The following CELF2 variants were observed in gnomAD, a reference collection of about 807,000 sequenced individuals.
The protein encoded by CELF2 is CUG triplet repeat RNA-binding protein 2.
Under a neutral mutation model 62.6 loss-of-function variants are expected in CELF2, and 8 were observed. That is an observed-to-expected ratio of 0.13 (90% CI 0.07 to 0.23). The LOEUF is 0.23. Ranked by LOEUF, CELF2 falls within the 10% of genes least tolerant of loss-of-function variation. The pLI is 1.00. For synonymous variants in CELF2, 258 were observed against 250.0 expected (o/e 1.03, Z -0.30); for missense variants, 333 against 671.0 (o/e 0.50, Z 5.56).
the CELF2 span, among the ~76,000 whole-genome samples, chr10:10,739,058 G>A: frequency 1.3e-5 from 2 of 151,946 alleles, no homozygotes; most frequent in Non-Finnish European, 2.9e-5. Flanking sequence ...GCACAGAATC[G>A]AGGCTACAGG....
At chr10:10,686,918 C>T in the CELF2 span, among the ~76,000 whole-genome samples, 1 of 152,190 alleles carries the variant, frequency 6.6e-6, no homozygotes, top group Non-Finnish European at 1.5e-5. Context: ...ATGTGGAACT[C>T]TGAGTCTGCC....
At chr10:11,256,160 G>A (rs1589957940) in intron 4 of CELF2, among the ~76,000 whole-genome samples, 2 of 152,258 alleles carry the variant, frequency 1.3e-5, no homozygotes, top group African/African-American at 4.8e-5. Flanking sequence ...GAGCAATCAT[G>A]TGTGGCTCTT....
chr10:10,859,916 A>C (rs1295193059), intron 1 of CELF2, among the ~76,000 whole-genome samples: 2 of 152,062 alleles, frequency 1.3e-5, no homozygotes, highest in Admixed American at 6.6e-5. Context: ...CTTCTTTTAC[A>C]TTTTTTAAAA....
At chr10:11,028,064 A>G (rs1464396352) in intron 1 of CELF2, among the ~76,000 whole-genome samples, 5 of 152,202 alleles carry the variant, frequency 3.3e-5, no homozygotes, top group Non-Finnish European at 7.3e-5. Context: ...AAAGACCCAT[A>G]AAGCATTGTT....
rs1283705324 is a variant in CELF2, at chr10:11,046,310, A to G, written c.74+28147A>G. Among the ~76,000 whole-genome samples, 5 of 152,186 alleles carry G rather than the reference A, an allele frequency of 3.3e-5. No individual in the cohort carries two copies. Among genetic ancestry groups the G allele is most frequent in the East Asian group, 1.9e-4 (1 of 5,196 alleles). On this transcript the variant is annotated intron_variant, in intron 1 of 12. Coordinates refer to ENST00000633077, the MANE Select transcript of CELF2 (RefSeq NM_001326342.2). This position sits in a 1 kb window ranked among gnomAD's most constrained non-coding sequence, Gnocchi z 4.6. ...CCAGGTGATTGTGATGCCCGTGTCA[A>G]TGTGCCGGTCAGAAAATCACAGATT...
At chr10:11,303,536 A>G (rs1441706993) in intron 9 of CELF2, among the ~76,000 whole-genome samples, 2 of 151,978 alleles carry the variant, frequency 1.3e-5, no homozygotes, top group Non-Finnish European at 2.9e-5. Context: ...TTTATTGATC[A>G]CCCGCTGTGC....
At chr10:11,189,176 G>A (rs532563331) in intron 2 of CELF2, among the ~76,000 whole-genome samples, 1 of 152,204 alleles carries the variant, frequency 6.6e-6, no homozygotes, top group East Asian at 1.9e-4. Context: ...ACTATTCCAA[G>A]CCTTTCATCT....
At chr10:11,317,997 A>C (rs2095163070) in intron 10 of CELF2, 1 of 152,240 alleles carries the variant, frequency 6.6e-6, no homozygotes, top group Admixed American at 6.5e-5. Flanking sequence ...CTATTCTTTT[A>C]AGTGGAAGCA....
chr10:10,708,609 T>A, the CELF2 span, among the ~76,000 whole-genome samples: 1 of 152,134 alleles, frequency 6.6e-6, no homozygotes, highest in Admixed American at 6.6e-5. Flanking sequence ...GAAGAGGAAA[T>A]CATAGGAAAA....
intron 1 of CELF2, among the ~76,000 whole-genome samples, chr10:11,088,337 G>C (rs2047377924): frequency 6.6e-6 from 1 of 152,202 alleles, no homozygotes; most frequent in African/African-American, 2.4e-5. Flanking sequence ...AATCCAACCA[G>C]ATGGGAACAT....
chr10:10,751,401 C>A, the CELF2 span, among the ~76,000 whole-genome samples: 2 of 152,198 alleles, frequency 1.3e-5, no homozygotes, highest in African/African-American at 4.8e-5. Flanking sequence ...AGCTATAATT[C>A]CAAGTCTGAC....
At position 11,324,208 on chromosome 10, in the gene CELF2, C is replaced by A. The variant is rs1355785991; in HGVS notation, c.1295-1628C>A. On this transcript the variant is annotated intron_variant, in intron 11 of 12. Coordinates refer to ENST00000633077, the MANE Select transcript of CELF2 (RefSeq NM_001326342.2). This position sits in a 1 kb window ranked among gnomAD's most constrained non-coding sequence, Gnocchi z 4.7. ...GTCATGTGCATTGAAACTGTATTTTCTCCCCGGCTTCAGGAGGTGAGATGT... is the reference window on the plus strand; with the variant it reads ...GTCATGTGCATTGAAACTGTATTTTATCCCCGGCTTCAGGAGGTGAGATGT... Among the ~76,000 whole-genome samples the A allele has an allele frequency of 6.6e-6, 1 of 152,192 alleles. No individual in the cohort carries two copies. The highest frequency in any genetic ancestry group is 1.5e-5 in the Non-Finnish European group (1 of 68,030).
At chr10:10,929,692 CAAGT>C (rs2065880987) in intron 2 of CELF2, 1 of 152,168 alleles carries the variant, frequency 6.6e-6, no homozygotes, top group African/African-American at 2.4e-5. Flanking sequence ...GCTGTTCTGA[CAAGT>C]AAGTGAAATG....
At chr10:10,822,863 C>T (rs2057077693) in intron 1 of CELF2, among the ~76,000 whole-genome samples, 1 of 152,192 alleles carries the variant, frequency 6.6e-6, no homozygotes, top group Non-Finnish European at 1.5e-5. Context: ...AAGCAGCTGG[C>T]TGGCCCTAAT....
the CELF2 span, among the ~76,000 whole-genome samples, chr10:10,662,278 G>A: frequency 6.6e-6 from 1 of 152,194 alleles, no homozygotes; most frequent in African/African-American, 2.4e-5. Flanking sequence ...ACTTCATGTG[G>A]AAAGGTCCAC....
chr10:10,867,254 G>A (rs1327409296), intron 1 of CELF2, among the ~76,000 whole-genome samples: 1 of 152,208 alleles, frequency 6.6e-6, no homozygotes, highest in Non-Finnish European at 1.5e-5. Flanking sequence ...GCTCCCCCAG[G>A]TGGGTGTGAG....
chr10:10,533,462 ATT>A, the CELF2 span, among the ~76,000 whole-genome samples: 1 of 152,204 alleles, frequency 6.6e-6, no homozygotes, highest in East Asian at 1.9e-4. Context: ...TGGGTCATTA[ATT>A]TTTTACAAAA....
intron 11 of CELF2, among the ~76,000 whole-genome samples, chr10:11,325,317 T>C (rs1419484439): frequency 6.6e-6 from 1 of 152,212 alleles, no homozygotes; most frequent in African/African-American, 2.4e-5. Flanking sequence ...TATTAGACTG[T>C]GTGTTAAGAG....
the CELF2 span, among the ~76,000 whole-genome samples, chr10:10,615,591 C>G: frequency 6.6e-6 from 1 of 152,048 alleles, no homozygotes; most frequent in African/African-American, 2.4e-5. Context: ...GGAGGAGGGA[C>G]CTGGTGAGAG....
Sources: allele counts gnomAD v4.1 joint callset (sites outside exome capture counted in the v4.1 genomes callset), GRCh38; gene constraint gnomAD v4.1.1; non-coding constraint Gnocchi (gnomAD v3.1); transcripts MANE v1.5; gene names NCBI Gene and HGNC (gene_info 2026-07-23, HGNC 2026-07-21).